CDK14: variants seen among roughly 807,000 people sequenced by gnomAD.
The protein encoded by CDK14 is cyclin dependent kinase 14.
Under a neutral mutation model 60.7 loss-of-function variants are expected in CDK14, and 34 were observed. The ratio of observed to expected loss-of-function variants is 0.56; its 90% CI spans 0.43 to 0.75. CDK14 has a LOEUF of 0.75. CDK14 is among the 30% of genes least tolerant of loss of function. CDK14 has a pLI of 0.00. For synonymous variants in CDK14, 197 were observed against 203.7 expected (o/e 0.97, Z 0.28); for missense variants, 482 against 564.1 (o/e 0.85, Z 1.47).
intron 1 of CDK14, among the ~76,000 whole-genome samples, chr7:90,598,704 A>ATTTTTTTTTTTT (rs796093975): frequency 0.027 from 2,403 of 87,496 alleles, 388 homozygotes; most frequent in Middle Eastern, 0.04. Flanking sequence ...TTATCTAAGG[A>ATTTTTTTTTTTT]TTTTTTTTTT....
Position 90,773,873 on chromosome 7 carries a change from TC to T in CDK14, c.465-16699del, listed in dbSNP as rs1804893553. Among the ~76,000 whole-genome samples the T allele has an allele frequency of 7.4e-5, 8 of 107,808 alleles. 1 individual carries two copies. 70.7% of individuals were successfully genotyped at this position (107,808 alleles called of 152,430 possible). On this transcript the variant is annotated intron_variant, in intron 4 of 14. Transcript: ENST00000380050. ...TCTCCTCTCCTCTCCTCTCCTCTCCTCTCCTCTCCTCTCCTCTCCTCTTTTC... is the reference window on the plus strand; with the variant it reads ...TCTCCTCTCCTCTCCTCTCCTCTCCTTCCTCTCCTCTCCTCTCCTCTTTTC...
intron 2 of CDK14, chr7:90,709,391 A>G (rs1801977932): frequency 7.2e-7 from 1 of 1,384,908 alleles, no homozygotes; most frequent in Non-Finnish European, 9.3e-7. Context: ...ATTGAGCATG[A>G]TGAGGTGCAT....
intron 2 of CDK14, chr7:90,632,527 A>T (rs1472029953): frequency 6.1e-6 from 1 of 163,682 alleles, no homozygotes; most frequent in Non-Finnish European, 1.4e-5. Context: ...GTAGCCTGGA[A>T]AGCAGTTTTT....
At chr7:90,850,244 A>G (rs1201042974) in intron 5 of CDK14, among the ~76,000 whole-genome samples, 2 of 150,402 alleles carry the variant, frequency 1.3e-5, no homozygotes, top group African/African-American at 5.0e-5. Context: ...GCAGAGTGCA[A>G]TGCTAGATAC....
intron 4 of CDK14, among the ~76,000 whole-genome samples, chr7:90,760,471 T>C (rs1440988497): frequency 6.6e-6 from 1 of 152,202 alleles, no homozygotes; most frequent in Non-Finnish European, 1.5e-5. Flanking sequence ...TTCAGAGTCC[T>C]GAGAGGTTAC....
At chr7:90,720,548 T>C (rs1020558298) in intron 2 of CDK14, among the ~76,000 whole-genome samples, 1 of 152,216 alleles carries the variant, frequency 6.6e-6, no homozygotes, top group African/African-American at 2.4e-5. Flanking sequence ...CTGACCTAAT[T>C]AAATTCCCTT....
chr7:91,155,537 C>T (rs1167403736), intron 14 of CDK14, among the ~76,000 whole-genome samples: 1 of 152,168 alleles, frequency 6.6e-6, no homozygotes, highest in African/African-American at 2.4e-5. Context: ...TTTAAGAAAA[C>T]TTGTGAAGCA....
intron 11 of CDK14, among the ~76,000 whole-genome samples, chr7:91,072,026 G>C (rs1218929670): frequency 1.3e-5 from 2 of 152,184 alleles, no homozygotes; most frequent in Non-Finnish European, 2.9e-5. Context: ...CTCTGGGCCT[G>C]AGCCCCTAGG....
At chr7:90,761,681 G>A (rs34640363) in intron 4 of CDK14, among the ~76,000 whole-genome samples, 28,054 of 152,150 alleles carry the variant, frequency 0.18, 2,715 homozygotes, top group South Asian at 0.24. Context: ...AGTGGGTAGA[G>A]GCCAGAGATG....
chr7:91,167,335 T>C (rs1801377389), intron 14 of CDK14, among the ~76,000 whole-genome samples: 1 of 152,226 alleles, frequency 6.6e-6, no homozygotes, highest in South Asian at 2.1e-4. Flanking sequence ...TGCCTTATTA[T>C]ATGACGTCTT....
chr7:90,855,692 A>G (rs1453975750), intron 5 of CDK14, among the ~76,000 whole-genome samples: 1 of 152,238 alleles, frequency 6.6e-6, no homozygotes, highest in Non-Finnish European at 1.5e-5. Context: ...TGAACCAGGT[A>G]AATTCTACTA....
intron 10 of CDK14, among the ~76,000 whole-genome samples, chr7:91,015,096 A>G (rs3808292): frequency 0.24 from 35,932 of 151,932 alleles, 4,567 homozygotes; most frequent in Non-Finnish European, 0.27. Context: ...GCCTTAATCT[A>G]TTTGTGTTTT....
chr7:90,915,078 G>A (rs935194751), intron 7 of CDK14, among the ~76,000 whole-genome samples: 5 of 152,172 alleles, frequency 3.3e-5, no homozygotes, highest in African/African-American at 1.2e-4. Context: ...CTAGGGAGGA[G>A]CAGTTCCTGA....
chr7:90,998,981 CCTT>C (rs1795764570), intron 10 of CDK14, among the ~76,000 whole-genome samples: 1 of 152,080 alleles, frequency 6.6e-6, no homozygotes, highest in Non-Finnish European at 1.5e-5. Flanking sequence ...CTGGTGAGGG[CCTT>C]CTTATGTCGT....
At chr7:90,742,866 A>C (rs1305577694) in intron 3 of CDK14, among the ~76,000 whole-genome samples, 1 of 152,072 alleles carries the variant, frequency 6.6e-6, no homozygotes, top group African/African-American at 2.4e-5. Context: ...ACAAAGATTC[A>C]GTATCCCCTA....
At chr7:91,085,148 C>CAGA (rs1177383388) in intron 12 of CDK14, among the ~76,000 whole-genome samples, 1 of 152,180 alleles carries the variant, frequency 6.6e-6, no homozygotes, top group Non-Finnish European at 1.5e-5. Context: ...TACTGTCAGG[C>CAGA]AGAAGTCTGG....
intron 2 of CDK14, among the ~76,000 whole-genome samples, chr7:90,681,403 G>C (rs777728572): frequency 4.6e-5 from 7 of 152,096 alleles, no homozygotes; most frequent in Admixed American, 4.6e-4. Context: ...ACTCCATTTA[G>C]GTGTCTTCTA....
chr7:90,889,387 T>C (rs2117312686), intron 6 of CDK14, among the ~76,000 whole-genome samples: 1 of 152,288 alleles, frequency 6.6e-6, no homozygotes, highest in Non-Finnish European at 1.5e-5. Flanking sequence ...AGGTTGCTGG[T>C]TTACATGATG....
rs553539184 is a variant in CDK14, at chr7:90,847,909, C to G, written c.545-15266C>G. 7.2e-5 allele frequency among the ~76,000 whole-genome samples: 11 copies of G among 152,228 alleles called. No individual in the cohort carries two copies. In the South Asian group the frequency reaches 2.1e-3, roughly 29 times the overall value. On this transcript the variant is annotated intron_variant, in intron 5 of 14. Coordinates refer to ENST00000380050, the MANE Select transcript of CDK14 (RefSeq NM_001287135.2). ...ATTTTTTTAGGTGTTTACTAGTCTTCCTTCCCACCACAATAACTCTGACCT... is the reference window on the plus strand; with the variant it reads ...ATTTTTTTAGGTGTTTACTAGTCTTGCTTCCCACCACAATAACTCTGACCT...
Sources: gnomAD v4.1 joint callset for allele counts (sites outside exome capture counted in the v4.1 genomes callset) on GRCh38, gnomAD v4.1.1 for gene constraint, MANE v1.5 for transcripts, NCBI Gene and HGNC (gene_info 2026-07-23, HGNC 2026-07-21) for gene names.